The following AGAP1 variants were observed in gnomAD, a reference collection of about 807,000 sequenced individuals.
AGAP1 encodes arf-GAP with GTPase, ANK repeat and PH domain-containing protein 1.
In AGAP1, 29 loss-of-function variants were observed where a neutral mutation model predicts 105.3. The observed-to-expected ratio is 0.28, with a 90% CI of 0.21 to 0.38. The LOEUF (loss-of-function observed/expected upper bound fraction) is 0.38. Ranked by LOEUF, AGAP1 falls within the 10% of genes least tolerant of loss-of-function variation. The pLI is 1.00. For missense variants in AGAP1, 998 were observed against 1,165.1 expected (o/e 0.86, Z 2.09); for synonymous variants, 509 against 485.9 (o/e 1.05, Z -0.63).
At chr2:236,118,672 A>C (rs1472527476) in intron 16 of AGAP1, among the ~76,000 whole-genome samples, 2 of 152,086 alleles carry the variant, frequency 1.3e-5, no homozygotes, top group Non-Finnish European at 2.9e-5. Context: ...TACAGGCATG[A>C]GCCACTGCGC....
rs887222536 is a variant in AGAP1 at position 235,983,953 on chromosome 2, C to T, written c.1645+15330C>T. ...TGTTTTTAAGTGTTCAATTCAGTGC[C>T]GTTGAATTATATTTTCACATTCACA... On this transcript the variant is annotated intron_variant, in intron 13 of 17. Transcript: ENST00000304032. This position sits in a 1 kb window ranked among gnomAD's most constrained non-coding sequence, Gnocchi z 4.5. 6.6e-6 allele frequency among the ~76,000 whole-genome samples: 1 copy of T among 152,148 alleles called. No individual in the cohort carries two copies. The highest frequency in any genetic ancestry group is 1.5e-5 in the Non-Finnish European group (1 of 68,044).
intron 11 of AGAP1, among the ~76,000 whole-genome samples, chr2:235,921,458 A>G (rs2052179357): frequency 6.6e-6 from 1 of 152,206 alleles, no homozygotes; most frequent in Non-Finnish European, 1.5e-5. Context: ...GTATATTTTA[A>G]CAGTACAACA....
intron 11 of AGAP1, among the ~76,000 whole-genome samples, chr2:235,923,656 C>T (rs1027032992): frequency 1.3e-5 from 2 of 152,142 alleles, no homozygotes; most frequent in African/African-American, 2.4e-5. Context: ...GTGATGTCAC[C>T]GCAGTTGTGG....
In AGAP1 at chr2:236,046,988, G is replaced by A. The variant is rs954411944; in HGVS notation, c.1892-2071G>A. On this transcript the variant is annotated intron_variant, in intron 15 of 17. Transcript: ENST00000304032. The surrounding 1 kb of genome is among the most constrained non-coding windows in gnomAD (Gnocchi z 5.2). ...GCAAAAAATGTAAGAAGTTAGCCAG[G>A]CATGGTGATGTGCACCTGTAGTCCC... 2.6e-5 allele frequency among the ~76,000 whole-genome samples: 4 copies of A among 152,214 alleles called. No individual in the cohort carries two copies. The highest frequency in any genetic ancestry group is 9.6e-5 in the African/African-American group (4 of 41,464).
At chr2:235,590,847 A>G (rs1574917238) in intron 1 of AGAP1, among the ~76,000 whole-genome samples, 1 of 146,244 alleles carries the variant, frequency 6.8e-6, no homozygotes, top group Non-Finnish European at 1.5e-5. Context: ...CAGCCTCCCA[A>G]GTAGCTGGGA....
Position 236,051,340 on chromosome 2 carries a change from T to C in AGAP1, c.2114+2059T>C, listed in dbSNP as rs150231642. Among the ~76,000 whole-genome samples the C allele has an allele frequency of 6.6e-6, 1 of 152,104 alleles. No individual in the cohort carries two copies. Among genetic ancestry groups the C allele is most frequent in the Non-Finnish European group, 1.5e-5 (1 of 67,996 alleles). ...TTTCTCGTAGAAAAGCAACGGTGAG[T>C]GATGATTGCAGTTCCCTGGTGATTG... is the stretch of plus-strand genomic sequence containing the variant. On this transcript the variant is annotated intron_variant, in intron 16 of 17. Coordinates refer to ENST00000304032, the MANE Select transcript of AGAP1 (RefSeq NM_001037131.3). This position sits in a 1 kb window ranked among gnomAD's most constrained non-coding sequence, Gnocchi z 5.9.
chr2:235,883,535 T>G lies in AGAP1; in HGVS notation c.1155+86T>G. On this transcript the variant is annotated intron_variant, in intron 10 of 17. Coordinates refer to ENST00000304032, the MANE Select transcript of AGAP1 (RefSeq NM_001037131.3). This position sits in a 1 kb window ranked among gnomAD's most constrained non-coding sequence, Gnocchi z 4.5. Reference sequence around the variant, plus strand: ...AGGGGAACCTACCAGCAGCCCAGCCTCTTGTCTCTGTTTGAAGTGAAAGTC... The same window carrying G: ...AGGGGAACCTACCAGCAGCCCAGCCGCTTGTCTCTGTTTGAAGTGAAAGTC... 3 of 1,103,220 alleles carry G rather than the reference T, an allele frequency of 2.7e-6. No homozygotes were observed. The South Asian group carries it at 4.1e-5, about 15-fold the overall frequency. The allele number at this position is 1,103,220 out of a possible 1,614,324, so 68.3% of individuals were successfully genotyped here. A position where few individuals can be genotyped will look rare whatever the true frequency, so the allele number is the denominator to read the frequency against.
rs140663304 is a variant in AGAP1 at position 235,689,405 on chromosome 2, G to A, written c.164-19774G>A. On this transcript the variant is annotated intron_variant, in intron 1 of 17. Coordinates refer to ENST00000304032, the MANE Select transcript of AGAP1 (RefSeq NM_001037131.3). The surrounding 1 kb of genome is among the most constrained non-coding windows in gnomAD (Gnocchi z 4.2). The stretch of plus-strand genomic sequence containing the variant: ...ACAATACCGGGTTAGTGAGCAGAAA[G>A]TAGTGCACTGATTATGTTTCCATTA... Among the ~76,000 whole-genome samples the A allele has an allele frequency of 6.6e-6, 1 of 152,264 alleles. No homozygotes were observed. The highest frequency in any genetic ancestry group is 1.5e-5 in the Non-Finnish European group (1 of 68,046).
intron 1 of AGAP1, among the ~76,000 whole-genome samples, chr2:235,502,253 G>A (rs79916032): frequency 0.034 from 5,131 of 152,236 alleles, 117 homozygotes; most frequent in Middle Eastern, 0.15. Context: ...GGCCTGGGGA[G>A]GGAAGGAAAA....
At position 235,612,953 on chromosome 2, in the gene AGAP1, T is replaced by G. The variant is rs989910250; in HGVS notation, c.164-96226T>G. 1.3e-5 allele frequency among the ~76,000 whole-genome samples: 2 copies of G among 152,178 alleles called. No individual in the cohort carries two copies. Among genetic ancestry groups the G allele is most frequent in the African/African-American group, 2.4e-5 (1 of 41,436 alleles). ...CTAAGGATGTCCTTCTAATTTGGAG[T>G]TAACCTCTCTTTCCCAGGTGAGGTT... On this transcript the variant is annotated intron_variant, in intron 1 of 17. Transcript: ENST00000304032. The surrounding 1 kb of genome is among the most constrained non-coding windows in gnomAD (Gnocchi z 4.3).
chr2:235,983,270 G>A lies in AGAP1; in HGVS notation c.1645+14647G>A, dbSNP rs1181941124. ...GCGCTGCTGCAGGGAACATGGCTGG[G>A]AGGGCATCCACCGGGGCAGGGGTCT... On this transcript the variant is annotated intron_variant, in intron 13 of 17. Transcript: ENST00000304032. The surrounding 1 kb of genome is among the most constrained non-coding windows in gnomAD (Gnocchi z 4.5). Among the ~76,000 whole-genome samples, 3 of 152,128 alleles carry A rather than the reference G, an allele frequency of 2.0e-5. No individual in the cohort carries two copies. Among genetic ancestry groups the A allele is most frequent in the Non-Finnish European group, 2.9e-5 (2 of 68,010 alleles).
chr2:235,840,969 C>T (rs1386101455), intron 9 of AGAP1, among the ~76,000 whole-genome samples: 1 of 151,872 alleles, frequency 6.6e-6, no homozygotes, highest in African/African-American at 2.4e-5. Flanking sequence ...GGGAAAGAAA[C>T]TTGAGAGACT....
Position 236,097,380 on chromosome 2 carries a change from C to CTTTTTTTTTTTTTTT in AGAP1, c.2115-22795_2115-22781dup, listed in dbSNP as rs58882083. On this transcript the variant is annotated intron_variant, in intron 16 of 17. Coordinates refer to ENST00000304032, the MANE Select transcript of AGAP1 (RefSeq NM_001037131.3). Reference sequence around the variant, plus strand: ...ATAATATAAAATTTGTCATCCTAATCTTTTTTTTTTTTTTTTTTTTTTTTT... The same window carrying CTTTTTTTTTTTTTTT: ...ATAATATAAAATTTGTCATCCTAATCTTTTTTTTTTTTTTTTTTTTTTTTTTTTTTTTTTTTTTTT... Among the ~76,000 whole-genome samples the CTTTTTTTTTTTTTTT allele has an allele frequency of 8.2e-5, 4 of 48,672 alleles. 1 individual carries two copies. Among genetic ancestry groups the CTTTTTTTTTTTTTTT allele is most frequent in the African/African-American group, 3.1e-4 (4 of 13,028 alleles). The allele number at this position is 48,672 out of a possible 152,430, so 31.9% of individuals were successfully genotyped here. A position where few individuals can be genotyped will look rare whatever the true frequency, so the allele number is the denominator to read the frequency against.
chr2:236,067,113 G>C (rs2058366411), intron 16 of AGAP1, among the ~76,000 whole-genome samples: 1 of 85,152 alleles, frequency 1.2e-5, no homozygotes, highest in South Asian at 3.3e-4. Flanking sequence ...GGGGTTCAGA[G>C]TTCCAACTCA....
At chr2:235,584,912 T>C (rs1286012555) in intron 1 of AGAP1, among the ~76,000 whole-genome samples, 1 of 149,162 alleles carries the variant, frequency 6.7e-6, no homozygotes, top group Non-Finnish European at 1.5e-5. Flanking sequence ...CTTTTTTTTT[T>C]TTTTTTTTTT....
At chr2:235,955,529 A>G (rs2053911454) in intron 12 of AGAP1, among the ~76,000 whole-genome samples, 1 of 152,242 alleles carries the variant, frequency 6.6e-6, no homozygotes, top group Non-Finnish European at 1.5e-5. Flanking sequence ...ATTTATGGTC[A>G]TAAATTTGGA....
At position 235,553,722 on chromosome 2, in the gene AGAP1, C is replaced by T. The variant is rs1943885904; in HGVS notation, c.163+58873C>T. Among the ~76,000 whole-genome samples the T allele has an allele frequency of 1.3e-5, 2 of 152,010 alleles. No homozygotes were observed. Among genetic ancestry groups the T allele is most frequent in the African/African-American group, 2.4e-5 (1 of 41,382 alleles). On this transcript the variant is annotated intron_variant, in intron 1 of 17. Coordinates refer to ENST00000304032, the MANE Select transcript of AGAP1 (RefSeq NM_001037131.3). The surrounding 1 kb of genome is among the most constrained non-coding windows in gnomAD (Gnocchi z 4.5). ...GGGAGCCAACTGCCAGAGTCTCAAG[C>T]AGGTGAGGGTGGGGTGCAGGAGAGG...
chr2:235,654,383 G>A (rs1003751692), intron 1 of AGAP1, among the ~76,000 whole-genome samples: 2 of 152,166 alleles, frequency 1.3e-5, no homozygotes, highest in Non-Finnish European at 2.9e-5. Flanking sequence ...ATGCTTAACT[G>A]TGTAACTACA....
At chr2:235,938,486 A>C (rs2053098374) in intron 12 of AGAP1, among the ~76,000 whole-genome samples, 1 of 152,206 alleles carries the variant, frequency 6.6e-6, no homozygotes, top group South Asian at 2.1e-4. Context: ...CTACATTGAA[A>C]TCTCCAGATT....
Sources: allele counts gnomAD v4.1 joint callset (sites outside exome capture counted in the v4.1 genomes callset), GRCh38; gene constraint gnomAD v4.1.1; non-coding constraint Gnocchi (gnomAD v3.1); transcripts MANE v1.5; gene names NCBI Gene and HGNC (gene_info 2026-07-23, HGNC 2026-07-21).